Variants in CLVS1 observed in about 807,000 individuals in gnomAD.
CLVS1 encodes clavesin 1, also known as clavesin-1.
Under a neutral mutation model 33.1 loss-of-function variants are expected in CLVS1, and 10 were observed. The observed-to-expected ratio is 0.30, with a 90% CI of 0.19 to 0.51. The LOEUF is 0.51. Ranked by LOEUF, CLVS1 falls within the 20% of genes least tolerant of loss-of-function variation. The probability of loss-of-function intolerance (pLI) is 0.97; values close to 1 mark genes in which losing one functional copy is unlikely to be tolerated. For missense variants in CLVS1, 343 were observed against 433.4 expected, an observed-to-expected ratio of 0.79 and a Z score of 1.85; for synonymous variants, 163 against 166.1, an observed-to-expected ratio of 0.98 and a Z score of 0.14.
chr8:61,216,497 ATCATAGGCAC>A (rs772338051), intron 2 of CLVS1, among the ~76,000 whole-genome samples: 12 of 152,214 alleles, frequency 7.9e-5, no homozygotes, highest in Non-Finnish European at 1.8e-4. Context: ...TAAGCTTTGC[ATCATAGGCAC>A]TCCAATGTGT....
At chr8:61,442,383 A>G (rs570256848) in intron 3 of CLVS1, among the ~76,000 whole-genome samples, 23 of 152,290 alleles carry the variant, frequency 1.5e-4, no homozygotes, top group African/African-American at 5.3e-4. Context: ...TTTATTACAA[A>G]TAGAGCTGCT....
Position 61,280,714 on chromosome 8 carries a change from T to G in CLVS1, c.-151-18963T>G, listed in dbSNP as rs61655739. Reference sequence around the variant, plus strand: ...GTCCCTTATTTGTGAATGTAATAGCTCAAGAAAAGAGGAAGTCTTGGGATA... The same window carrying G: ...GTCCCTTATTTGTGAATGTAATAGCGCAAGAAAAGAGGAAGTCTTGGGATA... On this transcript the variant is annotated intron_variant, in intron 2 of 2. Transcript: ENST00000522621. 9.8e-3 allele frequency among the ~76,000 whole-genome samples: 1,500 copies of G among 152,344 alleles called. 25 individuals are homozygous for G. The highest frequency in any genetic ancestry group is 0.032 in the African/African-American group (1,343 of 41,578).
At chr8:61,384,770 A>G (rs767714844) in intron 3 of CLVS1, among the ~76,000 whole-genome samples, 5 of 152,136 alleles carry the variant, frequency 3.3e-5, no homozygotes, top group Non-Finnish European at 5.9e-5. Flanking sequence ...GAAAGAAAAG[A>G]CCATTCAGAA....
intron 2 of CLVS1, among the ~76,000 whole-genome samples, chr8:61,340,189 G>A (rs1281055918): frequency 1.3e-5 from 2 of 152,234 alleles, no homozygotes; most frequent in Non-Finnish European, 2.9e-5. Flanking sequence ...CCTCGCACAT[G>A]TAGTTTTTAT....
At chr8:61,369,807 T>C (rs905250603) in intron 2 of CLVS1, among the ~76,000 whole-genome samples, 3 of 152,168 alleles carry the variant, frequency 2.0e-5, no homozygotes, top group Non-Finnish European at 4.4e-5. Flanking sequence ...TACAGGCCCT[T>C]TTGCCAGTTT....
chr8:61,149,458 A>C (rs1806480719), intron 2 of CLVS1, among the ~76,000 whole-genome samples: 1 of 148,510 alleles, frequency 6.7e-6, no homozygotes, highest in Non-Finnish European at 1.5e-5. Context: ...AGGCTGAAGC[A>C]GGGGAATCAC....
Position 61,485,945 on chromosome 8 carries a change from C to T in CLVS1, c.978-13510C>T, listed in dbSNP as rs528778872. 1.7e-4 allele frequency among the ~76,000 whole-genome samples: 26 copies of T among 150,544 alleles called. No homozygotes were observed. The South Asian group carries it at 4.7e-3, about 27-fold the overall frequency. ...GGGAACATCACACACTGGGGCCTTTCGTGGGGTGGGGGCAGTGGGGAGGGA... is the reference window on the plus strand; with the variant it reads ...GGGAACATCACACACTGGGGCCTTTTGTGGGGTGGGGGCAGTGGGGAGGGA... On this transcript the variant is annotated intron_variant, in intron 5 of 5. Coordinates refer to ENST00000325897, the MANE Select transcript of CLVS1 (RefSeq NM_173519.3).
At chr8:60,978,882 T>C in the CLVS1 span, among the ~76,000 whole-genome samples, 17 of 144,026 alleles carry the variant, frequency 1.2e-4, no homozygotes, top group Admixed American at 6.2e-4. Context: ...AATGGTACAC[T>C]ATAACACTAT....
intron 4 of CLVS1, among the ~76,000 whole-genome samples, chr8:61,457,560 A>G (rs1373471805): frequency 6.6e-6 from 1 of 152,068 alleles, no homozygotes; most frequent in East Asian, 1.9e-4. Flanking sequence ...CCAGACAAAA[A>G]TGGAAAATTG....
At chr8:61,338,567 A>G (rs1368938265) in intron 2 of CLVS1, among the ~76,000 whole-genome samples, 1 of 152,198 alleles carries the variant, frequency 6.6e-6, no homozygotes, top group Admixed American at 6.5e-5. Flanking sequence ...GTCTGTACTT[A>G]CGCAATAAGG....
intron 2 of CLVS1, among the ~76,000 whole-genome samples, chr8:61,181,068 T>C (rs1272426506): frequency 6.6e-6 from 1 of 152,212 alleles, no homozygotes; most frequent in East Asian, 1.9e-4. Context: ...ATGACATGAT[T>C]CTATATTGGG....
chr8:61,430,431 G>A (rs1023100856), intron 3 of CLVS1, among the ~76,000 whole-genome samples: 6 of 152,152 alleles, frequency 3.9e-5, no homozygotes, highest in African/African-American at 1.4e-4. Flanking sequence ...TTTCAGAAAG[G>A]AGGGGGAAAT....
intron 2 of CLVS1, among the ~76,000 whole-genome samples, chr8:61,208,530 A>C (rs561605953): frequency 4.1e-4 from 62 of 152,346 alleles, no homozygotes; most frequent in Non-Finnish European, 8.1e-4. Flanking sequence ...AGATTATAAA[A>C]ATTATCAGAA....
chr8:61,078,777 G>T (rs1159271952), intron 1 of CLVS1, among the ~76,000 whole-genome samples: 1 of 152,086 alleles, frequency 6.6e-6, no homozygotes, highest in Non-Finnish European at 1.5e-5. Context: ...GCTCTCCATG[G>T]CTAATGATGT....
intron 1 of CLVS1, 66 bp from the exon 2 acceptor site, chr8:61,299,611 T>C (rs1050725132): frequency 1.4e-4 from 73 of 538,364 alleles, no homozygotes; most frequent in African/African-American, 1.2e-3. Context: ...TAAGCTCCAA[T>C]TAATTTGCCC....
At chr8:61,417,405 A>G (rs939170580) in intron 3 of CLVS1, among the ~76,000 whole-genome samples, 2 of 152,104 alleles carry the variant, frequency 1.3e-5, no homozygotes, top group African/African-American at 4.8e-5. Context: ...AAATTGAACC[A>G]CGTAAAAGTT....
intron 2 of CLVS1, among the ~76,000 whole-genome samples, chr8:61,260,340 T>A (rs1012597102): frequency 2.6e-5 from 4 of 152,214 alleles, no homozygotes; most frequent in Admixed American, 2.6e-4. Context: ...TGCAGGGACA[T>A]CTGAAAGACC....
chr8:61,336,324 A>G (rs1454901139), intron 2 of CLVS1, among the ~76,000 whole-genome samples: 1 of 152,210 alleles, frequency 6.6e-6, no homozygotes, highest in Non-Finnish European at 1.5e-5. Flanking sequence ...CTAAAACGCT[A>G]TAGCACTTGT....
chr8:61,045,784 G>T, the CLVS1 span, among the ~76,000 whole-genome samples: 1 of 152,150 alleles, frequency 6.6e-6, no homozygotes, highest in African/African-American at 2.4e-5. Flanking sequence ...CATAGTCAGG[G>T]TCCTAGGGAA....
Sources: allele counts gnomAD v4.1 joint callset (sites outside exome capture counted in the v4.1 genomes callset), GRCh38; gene constraint gnomAD v4.1.1; transcripts MANE v1.5; gene names NCBI Gene and HGNC (gene_info 2026-07-23, HGNC 2026-07-21).